CREG1: variants seen among roughly 807,000 people sequenced by gnomAD.
CREG1 encodes the protein cellular repressor of E1A stimulated genes 1.
In CREG1, 20 loss-of-function variants were observed where a neutral mutation model predicts 19.9. The ratio of observed to expected loss-of-function variants is 1.01; its 90% confidence interval spans 0.71 to 1.46. The LOEUF is 1.46. Among genes scored for constraint, CREG1 ranks in the 40% most tolerant of loss-of-function variants. The pLI is 0.00. For synonymous variants in CREG1, 141 were observed against 143.3 expected (o/e 0.98, Z 0.12); for missense variants, 290 against 314.9 (o/e 0.92, Z 0.60).
rs770079035 is a variant in CREG1, at chr1:167,546,161, A to G, written c.599T>C (p.Leu200Pro). 1.2e-6 allele frequency: 2 copies of G among 1,613,482 alleles called. No homozygotes were observed. Among genetic ancestry groups the G allele is most frequent in the Non-Finnish European group, 1.7e-6 (2 of 1,179,836 alleles). Residue 200 changes from leucine to proline, a missense_variant, in exon 3 of 4, where the codon CTG becomes CCG. Leu to Pro is a moderately conservative substitution (Grantham distance 98, BLOSUM62 -3). Transcript: ENST00000370509. ...GATTTTTGGTCCACCAAAGTAGTCC[A>G]GGACCCAGATATTGGTTATATTCAA... is the stretch of plus-strand genomic sequence containing the variant. ...AKLNITNIWV[L>P]DYFGGPKIVT...
intron 3 of CREG1, 117 bp downstream of exon 3, chr1:167,545,984 T>C: frequency 2.9e-6 from 2 of 686,088 alleles, no homozygotes; most frequent in East Asian, 6.0e-5. Context: ...GTCAGCGGCT[T>C]TACCAGACTG....
Position 167,542,301 on chromosome 1 carries a change from C to T in CREG1, c.660G>A (p.Gln220=), listed in dbSNP as rs377218548. ...GCTAAATTCACCACAGTCTGCTTCACCTAGAAAGGGGAACAGAGAAGAATT... is the reference window on the plus strand; with the variant it reads ...GCTAAATTCACCACAGTCTGCTTCATCTAGAAAGGGGAACAGAGAAGAATT... The part of the protein sequence containing the change: ...TPEEYYNVTV[Q] The change falls in exon 4 of 4, where the codon CAG becomes CAA. Residue 220 remains glutamine (Q), a splice_region_variant and synonymous_variant. Transcript: ENST00000370509. 2 of 1,602,744 alleles carry T rather than the reference C, an allele frequency of 1.2e-6. No individual in the cohort carries two copies. Among genetic ancestry groups the T allele is most frequent in the African/African-American group, 1.3e-5 (1 of 74,206 alleles).
At position 167,546,239 on chromosome 1, in the gene CREG1, C is replaced by T. The variant is rs771106885; in HGVS notation, c.521G>A (p.Arg174Gln). The T allele has an allele frequency of 1.4e-5, 22 of 1,611,186 alleles. No homozygotes were observed. Among genetic ancestry groups the T allele is most frequent in the East Asian group, 1.1e-4 (5 of 44,802 alleles). The change falls in exon 3 of 4, where the codon CGA becomes CAA. Residue 174 changes from arginine to glutamine, a missense_variant. Physicochemically the swap from Arg to Gln is conservative, Grantham distance 43 (BLOSUM62 1). Coordinates refer to ENST00000370509, the MANE Select transcript of CREG1 (RefSeq NM_003851.3). ...AGGCCAGGTTTTCATCTCAGGGTGTCGAATGAATAACGAATGCTTTGCAAT... is the reference window on the plus strand; with the variant it reads ...AGGCCAGGTTTTCATCTCAGGGTGTTGAATGAATAACGAATGCTTTGCAAT... ...MDIAKHSLFI[R>Q]HPEMKTWPSS...
chr1:167,550,208 C>G (rs1177637828), intron 1 of CREG1, among the ~76,000 whole-genome samples: 3 of 152,056 alleles, frequency 2.0e-5, no homozygotes, highest in Non-Finnish European at 4.4e-5. Context: ...AGGCTGGTCT[C>G]AAACTCCTGA....
chr1:167,553,729 A>T lies in CREG1; in HGVS notation c.13T>A (p.Ser5Thr). 1 of 1,287,108 alleles carries T rather than the reference A, an allele frequency of 7.8e-7. No individual in the cohort carries two copies. The highest frequency in any genetic ancestry group is 9.8e-7 in the Non-Finnish European group (1 of 1,021,110). The allele number at this position is 1,287,108 out of a possible 1,614,324, so 79.7% of individuals were successfully genotyped here. A position where few individuals can be genotyped will look rare whatever the true frequency, so the allele number is the denominator to read the frequency against. ...AGCAGTGCGCGCGCGGACCCGCGGGATAGCCCGGCCATGGCGGTGTCTCCA... is the reference window on the plus strand; with the variant it reads ...AGCAGTGCGCGCGCGGACCCGCGGGTTAGCCCGGCCATGGCGGTGTCTCCA... Reference protein sequence around the residue: MAGLSRGSARALLAA... With the variant: MAGLTRGSARALLAA... Residue 5 changes from serine to threonine, a missense_variant, in exon 1 of 4, where the codon TCC becomes ACC. Physicochemically the swap from Ser to Thr is moderately conservative, Grantham distance 58 (BLOSUM62 1). Transcript: ENST00000370509.
Position 167,553,572 on chromosome 1 carries a change from C to A in CREG1, c.170G>T (p.Arg57Leu). ...PPLPPREDAA[R>L]VARFVTHVSD... The stretch of plus-strand genomic sequence containing the variant: ...GACGTGCGTCACGAAGCGGGCCACG[C>A]GCGCCGCGTCCTCGCGGGGTGGTAG... The change falls in exon 1 of 4, where the codon CGC (arginine) becomes CTC (leucine). Residue 57 changes from arginine (R) to leucine (L), a missense_variant. Transcript: ENST00000370509. 6.9e-7 allele frequency: 1 copy of A among 1,444,778 alleles called. No individual in the cohort carries two copies. 89.5% of individuals were successfully genotyped at this position (1,444,778 alleles called of 1,614,324 possible). A position where few individuals can be genotyped will look rare whatever the true frequency, so the allele number is the denominator to read the frequency against.
At chr1:167,543,774 TCA>T in intron 3 of CREG1, among the ~76,000 whole-genome samples, 1 of 152,114 alleles carries the variant, frequency 6.6e-6, no homozygotes, top group Non-Finnish European at 1.5e-5. Context: ...CTCAGAAGAG[TCA>T]CATCTGCTCT....
chr1:167,544,244 C>T (rs539498975), intron 3 of CREG1, among the ~76,000 whole-genome samples: 210 of 152,146 alleles, frequency 1.4e-3, no homozygotes, highest in African/African-American at 4.7e-3. Flanking sequence ...GTGTTTGTCT[C>T]AAGTAATGAG....
intron 1 of CREG1, among the ~76,000 whole-genome samples, chr1:167,548,715 T>A (rs1656373541): frequency 6.6e-6 from 1 of 152,226 alleles, no homozygotes; most frequent in African/African-American, 2.4e-5. Context: ...ATCAACTTCA[T>A]AAAAGGCACT....
chr1:167,553,398 C>G lies in CREG1; in HGVS notation c.344G>C (p.Ser115Thr), dbSNP rs765631682. Residue 115 changes from serine (S) to threonine (T), a missense_variant, in exon 1 of 4, where the codon AGC becomes ACC. Physicochemically the swap from Ser to Thr is moderately conservative, Grantham distance 58. Coordinates refer to ENST00000370509, the MANE Select transcript of CREG1 (RefSeq NM_003851.3). ...FYLSPLQLSV[S>T]NLQENPYATL... is the part of the protein sequence containing the mutation. ...CGGGCCCCAGCTCACCTGCAGGTTG[C>G]TCACGGAGAGCTGCAGCGGGCTCAG... 1.4e-6 allele frequency: 2 copies of G among 1,431,960 alleles called. No individual in the cohort carries two copies. Among genetic ancestry groups the G allele is most frequent in the South Asian group, 2.8e-5 (2 of 71,706 alleles). 88.7% of individuals were successfully genotyped at this position (1,431,960 alleles called of 1,614,324 possible).
At chr1:167,543,523 G>A (rs1173903457) in intron 3 of CREG1, among the ~76,000 whole-genome samples, 1 of 152,224 alleles carries the variant, frequency 6.6e-6, no homozygotes, top group African/African-American at 2.4e-5. Flanking sequence ...TGCCAATGTG[G>A]GGAAGCTCCA....
intron 2 of CREG1, among the ~76,000 whole-genome samples, chr1:167,546,710 G>A (rs187856244): frequency 2.6e-5 from 4 of 152,210 alleles, no homozygotes; most frequent in African/African-American, 7.2e-5. Context: ...TGTAAATCTT[G>A]ATCTTAACCT....
Position 167,542,296 on chromosome 1 carries a change from C to T in CREG1, c.*2G>A. The T allele has an allele frequency of 6.2e-7, 1 of 1,603,550 alleles. No homozygotes were observed. Among genetic ancestry groups the T allele is most frequent in the Non-Finnish European group, 8.5e-7 (1 of 1,176,124 alleles). On this transcript the variant is annotated 3_prime_UTR_variant, in exon 4 of 4. Coordinates refer to ENST00000370509, the MANE Select transcript of CREG1 (RefSeq NM_003851.3). ...GTGTTGCTAAATTCACCACAGTCTG[C>T]TTCACCTAGAAAGGGGAACAGAGAA...
intron 1 of CREG1, among the ~76,000 whole-genome samples, chr1:167,550,091 C>T (rs1656399389): frequency 6.6e-6 from 1 of 152,216 alleles, no homozygotes; most frequent in Non-Finnish European, 1.5e-5. Flanking sequence ...CCAGGCTCAA[C>T]TGATGCTCTC....
In CREG1 at chr1:167,546,150, C is replaced by G; in HGVS notation, c.610G>C (p.Gly204Arg). The change falls in exon 3 of 4, where the codon GGT becomes CGT. Residue 204 changes from glycine (G) to arginine (R), a missense_variant. By Grantham distance (125) the Gly-to-Arg change is moderately radical. Transcript: ENST00000370509. ...ITNIWVLDYF[G>R]GPKIVTPEEY... ...TCTGGTGTCACGATTTTTGGTCCAC[C>G]AAAGTAGTCCAGGACCCAGATATTG... The G allele has an allele frequency of 6.2e-7, 1 of 1,610,466 alleles. No individual in the cohort carries two copies. Among genetic ancestry groups the G allele is most frequent in the Non-Finnish European group, 8.5e-7 (1 of 1,178,926 alleles).
chr1:167,544,120 G>A (rs1656275041), intron 3 of CREG1, among the ~76,000 whole-genome samples: 1 of 152,184 alleles, frequency 6.6e-6, no homozygotes, highest in Admixed American at 6.5e-5. Flanking sequence ...TTCCTATGAA[G>A]TCAGATGGCT....
At chr1:167,550,216 T>C (rs1269898809) in intron 1 of CREG1, among the ~76,000 whole-genome samples, 1 of 152,122 alleles carries the variant, frequency 6.6e-6, no homozygotes, top group Non-Finnish European at 1.5e-5. Context: ...CTCAAACTCC[T>C]GACCTCAGGT....
chr1:167,544,166 C>G (rs567937580), intron 3 of CREG1, among the ~76,000 whole-genome samples: 10 of 152,308 alleles, frequency 6.6e-5, no homozygotes, highest in African/African-American at 2.2e-4. Context: ...GCCCGTGCCT[C>G]TCCTGCATGC....
intron 1 of CREG1, among the ~76,000 whole-genome samples, chr1:167,550,153 T>C (rs1656400985): frequency 6.6e-6 from 1 of 151,884 alleles, no homozygotes; most frequent in African/African-American, 2.4e-5. Flanking sequence ...CCATACCCAG[T>C]TAATTTTTGT....
Sources: gnomAD v4.1 joint callset for allele counts (sites outside exome capture counted in the v4.1 genomes callset) on GRCh38, gnomAD v4.1.1 for gene constraint, MANE v1.5 for transcripts, NCBI Gene and HGNC (gene_info 2026-07-23, HGNC 2026-07-21) for gene names.